Variants in IL2RB observed in about 807,000 individuals in gnomAD.
IL2RB encodes the protein interleukin-2 receptor subunit beta.
A neutral mutation model predicts 44.2 loss-of-function variants in IL2RB; 17 were observed. The ratio of observed to expected loss-of-function variants is 0.38; its 90% CI spans 0.26 to 0.58. IL2RB has a LOEUF of 0.58. Among genes scored for constraint, IL2RB ranks in the 20% least tolerant of loss-of-function variants. IL2RB has a pLI of 0.63. For synonymous variants in IL2RB, 286 were observed against 297.9 expected, an observed-to-expected ratio of 0.96 and a Z score of 0.41; for missense variants, 624 against 685.5, an observed-to-expected ratio of 0.91 and a Z score of 1.00.
intron 1 of IL2RB, among the ~76,000 whole-genome samples, chr22:37,162,889 A>G (rs1922929298): frequency 6.6e-6 from 1 of 151,874 alleles, no homozygotes; most frequent in Non-Finnish European, 1.5e-5. Flanking sequence ...CAAACCACCA[A>G]CACCCACACC....
chr22:37,139,257 G>A (rs1298300185), intron 4 of IL2RB, 35 bp from the exon 5 acceptor site: 2 of 1,451,820 alleles, frequency 1.4e-6, no homozygotes, highest in Non-Finnish European at 1.9e-6. Flanking sequence ...GAAACTTCTA[G>A]CAGCTTCAGG....
At chr22:37,145,396 G>GCACTGGC (rs1922174747) in intron 1 of IL2RB, among the ~76,000 whole-genome samples, 1 of 151,856 alleles carries the variant, frequency 6.6e-6, no homozygotes, top group Non-Finnish European at 1.5e-5. Flanking sequence ...TGCCTATTAT[G>GCACTGGC]CACTGGCCAC....
intron 8 of IL2RB, 91 bp from the exon 9 acceptor site, chr22:37,132,559 C>T (rs1320120210): frequency 1.9e-5 from 16 of 850,176 alleles, no homozygotes; most frequent in Admixed American, 2.1e-5. Context: ...ATGCCAGGCA[C>T]GGAGCCGCAC....
chr22:37,160,880 AC>A (rs1922843692), intron 1 of IL2RB, among the ~76,000 whole-genome samples: 6 of 151,978 alleles, frequency 3.9e-5, no homozygotes, highest in Admixed American at 3.9e-4. Flanking sequence ...GGTGGCTCAC[AC>A]CTGTAATCCC....
At chr22:37,157,991 G>A (rs1331787646) in intron 1 of IL2RB, among the ~76,000 whole-genome samples, 1 of 152,206 alleles carries the variant, frequency 6.6e-6, no homozygotes, top group Non-Finnish European at 1.5e-5. Context: ...TCAAAGGCAG[G>A]TTGAAAAGGC....
chr22:37,138,319 C>T (rs545271936), intron 5 of IL2RB, among the ~76,000 whole-genome samples: 1 of 152,338 alleles, frequency 6.6e-6, no homozygotes, highest in South Asian at 2.1e-4. Flanking sequence ...GTGCTGACTA[C>T]ATGGTAAGCA....
chr22:37,167,581 G>A (rs897000222), intron 1 of IL2RB, among the ~76,000 whole-genome samples: 1 of 152,062 alleles, frequency 6.6e-6, no homozygotes, highest in African/African-American at 2.4e-5. Context: ...TCCCTGCCTC[G>A]AGCCCCTGCC....
At chr22:37,145,134 C>T (rs992222558) in intron 1 of IL2RB, among the ~76,000 whole-genome samples, 4 of 152,200 alleles carry the variant, frequency 2.6e-5, no homozygotes, top group African/African-American at 9.7e-5. Flanking sequence ...GACGCGAACT[C>T]GGAAAAGCAG....
intron 1 of IL2RB, among the ~76,000 whole-genome samples, chr22:37,145,382 G>A (rs1485371891): frequency 2.6e-5 from 4 of 151,850 alleles, no homozygotes; most frequent in African/African-American, 9.7e-5. Context: ...AAGTTTTCCC[G>A]GAGTGCCTAT....
intron 1 of IL2RB, among the ~76,000 whole-genome samples, chr22:37,164,735 C>T (rs1243196649): frequency 6.6e-6 from 1 of 152,130 alleles, no homozygotes; most frequent in Non-Finnish European, 1.5e-5. Flanking sequence ...ATCACCGAGG[C>T]TCCAGAGAGC....
chr22:37,163,628 C>T (rs1922958558), intron 1 of IL2RB, among the ~76,000 whole-genome samples: 1 of 152,218 alleles, frequency 6.6e-6, no homozygotes, highest in Admixed American at 6.5e-5. Context: ...CTTCTCAGCC[C>T]TTGGGAGGGG....
upstream of IL2RB, among the ~76,000 whole-genome samples, chr22:37,151,222 C>A (rs1922474827): frequency 6.6e-6 from 1 of 152,204 alleles, no homozygotes; most frequent in African/African-American, 2.4e-5. Context: ...TTTCTCCCCA[C>A]CCTCACCAGC....
At chr22:37,167,630 T>C (rs765570828) in intron 1 of IL2RB, among the ~76,000 whole-genome samples, 1 of 152,204 alleles carries the variant, frequency 6.6e-6, no homozygotes, top group South Asian at 2.1e-4. Context: ...TGCGGTCACT[T>C]TCTCAGGGCA....
intron 5 of IL2RB, among the ~76,000 whole-genome samples, chr22:37,138,567 T>C (rs921692070): frequency 1.3e-5 from 2 of 152,228 alleles, no homozygotes; most frequent in African/African-American, 4.8e-5. Context: ...GACCTAGTGC[T>C]GGGTGCGTGG....
intron 1 of IL2RB, among the ~76,000 whole-genome samples, chr22:37,146,633 G>A (rs1343823287): frequency 4.6e-5 from 7 of 152,192 alleles, no homozygotes; most frequent in Non-Finnish European, 1.0e-4. Flanking sequence ...TGGAGGGCGA[G>A]GGCTTCCTCT....
intron 1 of IL2RB, among the ~76,000 whole-genome samples, chr22:37,149,192 C>T (rs1393199317): frequency 1.3e-5 from 2 of 152,152 alleles, no homozygotes; most frequent in African/African-American, 4.8e-5. Context: ...GATAGGGTCC[C>T]ATCCCCAATG....
At chr22:37,153,203 G>A (rs993295571), upstream of IL2RB, among the ~76,000 whole-genome samples, 7 of 152,144 alleles carry the variant, frequency 4.6e-5, no homozygotes, top group Non-Finnish European at 8.8e-5. Context: ...CCAAAGTGCT[G>A]GGATTACAGG....
intron 1 of IL2RB, among the ~76,000 whole-genome samples, chr22:37,148,267 C>T (rs1287349154): frequency 6.6e-6 from 1 of 152,176 alleles, no homozygotes; most frequent in Admixed American, 6.5e-5. Context: ...GCTGAGGGAG[C>T]GCCTGGCAGT....
At chr22:37,143,884 CGTGTGTGTGTGTGTGT>C (rs55819516) in intron 2 of IL2RB, among the ~76,000 whole-genome samples, 185 bp downstream of exon 2, 1 of 139,818 alleles carries the variant, frequency 7.2e-6, no homozygotes, top group Admixed American at 7.0e-5. Context: ...CTTGGAGAGG[CGTGTGTGTGTGTGTGT>C]GTGTGTGTGT....
Sources: allele counts gnomAD v4.1 joint callset (sites outside exome capture counted in the v4.1 genomes callset), GRCh38; gene constraint gnomAD v4.1.1; transcripts MANE v1.5; gene names NCBI Gene and HGNC (gene_info 2026-07-23, HGNC 2026-07-21).